Variants in ACYP2 observed in about 807,000 individuals in gnomAD.
The protein encoded by ACYP2 is acylphosphatase 2, also known as acylphosphatase-2.
In ACYP2, 12 loss-of-function variants were observed where a neutral mutation model predicts 11.2. The ratio of observed to expected loss-of-function variants is 1.08; its 90% CI spans 0.69 to 1.74. The LOEUF (loss-of-function observed/expected upper bound fraction) is 1.74. Among genes scored for constraint, ACYP2 ranks in the 40% most tolerant of loss-of-function variants. The probability of loss-of-function intolerance (pLI) is 0.00; values close to 1 mark genes in which losing one functional copy is unlikely to be tolerated. For synonymous variants in ACYP2, 43 were observed against 32.2 expected (o/e 1.33, Z -1.13); for missense variants, 134 against 101.9 (o/e 1.31, Z -1.35).
At chr2:54,082,323 G>A (rs1272520820) in intron 4 of ACYP2, among the ~76,000 whole-genome samples, 1 of 150,432 alleles carries the variant, frequency 6.6e-6, no homozygotes, top group Non-Finnish European at 1.5e-5. Flanking sequence ...TCGGCTCACT[G>A]CAACCTCTGC....
Position 54,179,435 on chromosome 2 carries a change from C to T in ACYP2, c.404+40687C>T, listed in dbSNP as rs191636699. On this transcript the variant is annotated intron_variant, in intron 6 of 6. Transcript: ENST00000607452. Reference sequence around the variant, plus strand: ...TTCTTGGAAATAATTCAGGGCAAGTCGGCGGAGTAAAGTGAAAGCAAGCTT... The same window carrying T: ...TTCTTGGAAATAATTCAGGGCAAGTTGGCGGAGTAAAGTGAAAGCAAGCTT... 1.1e-4 allele frequency among the ~76,000 whole-genome samples: 17 copies of T among 152,140 alleles called. 1 individual carries two copies. Among genetic ancestry groups the T allele is most frequent in the East Asian group, 5.8e-4 (3 of 5,172 alleles).
intron 6 of ACYP2, among the ~76,000 whole-genome samples, chr2:54,302,191 G>A (rs1005253392): frequency 2.0e-5 from 3 of 152,142 alleles, no homozygotes; most frequent in Non-Finnish European, 4.4e-5. Context: ...GGATTCCATG[G>A]TTTCAATTTC....
At chr2:54,286,712 C>A (rs754794354) in intron 6 of ACYP2, among the ~76,000 whole-genome samples, 2 of 151,964 alleles carry the variant, frequency 1.3e-5, no homozygotes, top group Admixed American at 6.5e-5. Flanking sequence ...TAATAAAAAT[C>A]TTTATGCTGT....
intron 4 of ACYP2, among the ~76,000 whole-genome samples, chr2:54,059,364 G>A (rs147156361): frequency 1.6e-3 from 242 of 152,016 alleles, no homozygotes; most frequent in African/African-American, 4.8e-3. Context: ...GATTACAGGC[G>A]CCTGCAACCA....
At chr2:54,202,681 TA>T (rs1462609703) in intron 6 of ACYP2, among the ~76,000 whole-genome samples, 2 of 142,516 alleles carry the variant, frequency 1.4e-5, no homozygotes, top group African/African-American at 5.2e-5. Context: ...GTGCTGGGAT[TA>T]CAGGTGTGAG....
chr2:54,301,529 C>T (rs1224994594), intron 6 of ACYP2, among the ~76,000 whole-genome samples: 3 of 151,866 alleles, frequency 2.0e-5, no homozygotes, highest in Non-Finnish European at 4.4e-5. Context: ...TCTATGTATG[C>T]CCTCCAGTAT....
chr2:54,005,549 G>C (rs1673020956), intron 2 of ACYP2, among the ~76,000 whole-genome samples: 1 of 152,120 alleles, frequency 6.6e-6, no homozygotes, highest in South Asian at 2.1e-4. Context: ...ATGTTGGCCA[G>C]GCTGGTCTCG....
chr2:54,208,699 G>A (rs1053056345), intron 6 of ACYP2, among the ~76,000 whole-genome samples: 4 of 112,780 alleles, frequency 3.5e-5, no homozygotes, highest in African/African-American at 1.4e-4. Context: ...TGAAAAAAAA[G>A]GGAGACTTTT....
At chr2:54,159,747 T>C (rs919228016) in intron 6 of ACYP2, among the ~76,000 whole-genome samples, 1 of 151,972 alleles carries the variant, frequency 6.6e-6, no homozygotes, top group Admixed American at 6.6e-5. Context: ...GGAAGAGTGC[T>C]CCTCCTGCCT....
At chr2:54,259,167 T>C (rs1271760798) in intron 6 of ACYP2, among the ~76,000 whole-genome samples, 1 of 152,176 alleles carries the variant, frequency 6.6e-6, no homozygotes, top group Non-Finnish European at 1.5e-5. Context: ...GAAGCAGAGA[T>C]GGTGAAGGTT....
intron 6 of ACYP2, among the ~76,000 whole-genome samples, chr2:54,285,756 T>A (rs1689052614): frequency 6.6e-6 from 1 of 152,236 alleles, no homozygotes; most frequent in South Asian, 2.1e-4. Context: ...CTAGAAAACC[T>A]TTTTAACATA....
chr2:53,972,619 G>C (rs1432083414), intron 1 of ACYP2, among the ~76,000 whole-genome samples: 1 of 151,672 alleles, frequency 6.6e-6, no homozygotes, highest in African/African-American at 2.4e-5. Flanking sequence ...AAAAAAAAAA[G>C]AGTCACTCTG....
chr2:54,269,771 T>C (rs902064833), intron 6 of ACYP2, among the ~76,000 whole-genome samples: 11 of 152,236 alleles, frequency 7.2e-5, no homozygotes, highest in African/African-American at 2.4e-4. Context: ...GTTCCCTTGT[T>C]CCACCTCAAT....
At chr2:54,155,007 G>C (rs1189779124) in intron 6 of ACYP2, among the ~76,000 whole-genome samples, 1 of 152,078 alleles carries the variant, frequency 6.6e-6, no homozygotes, top group African/African-American at 2.4e-5. Context: ...TTTAGTATTG[G>C]TAGGTTATAT....
At chr2:54,201,662 C>CTTTCTTTCTTTT (rs1684825319) in intron 6 of ACYP2, among the ~76,000 whole-genome samples, 1 of 80,318 alleles carries the variant, frequency 1.2e-5, no homozygotes, top group Admixed American at 1.2e-4. Flanking sequence ...TTCTTTCTTT[C>CTTTCTTTCTTTT]TTTCTTTCTT....
chr2:53,995,901 G>A (rs1178866401), intron 2 of ACYP2, among the ~76,000 whole-genome samples: 1 of 152,148 alleles, frequency 6.6e-6, no homozygotes, highest in Non-Finnish European at 1.5e-5. Flanking sequence ...GGGAGGCCGA[G>A]GCGGGCGGAT....
At chr2:54,282,168 G>T (rs547005077) in intron 6 of ACYP2, among the ~76,000 whole-genome samples, 1 of 152,172 alleles carries the variant, frequency 6.6e-6, no homozygotes, top group South Asian at 2.1e-4. Context: ...AATCTCTTAT[G>T]AAATAACAGA....
chr2:54,072,352 C>G (rs1677086870), intron 4 of ACYP2, among the ~76,000 whole-genome samples: 1 of 151,970 alleles, frequency 6.6e-6, no homozygotes, highest in African/African-American at 2.4e-5. Context: ...TATACCCAGG[C>G]TGGAGTGCAG....
At chr2:54,111,370 G>A (rs767866260) in intron 4 of ACYP2, among the ~76,000 whole-genome samples, 2 of 152,066 alleles carry the variant, frequency 1.3e-5, no homozygotes, top group African/African-American at 2.4e-5. Context: ...AGGGCGGGGG[G>A]GACCAACCAT....
Sources: gnomAD v4.1 joint callset for allele counts (sites outside exome capture counted in the v4.1 genomes callset) on GRCh38, gnomAD v4.1.1 for gene constraint, MANE v1.5 for transcripts, NCBI Gene and HGNC (gene_info 2026-07-23, HGNC 2026-07-21) for gene names.